Variants in AUTS2 observed in about 807,000 individuals in gnomAD.
AUTS2 encodes the protein autism susceptibility gene 2 protein.
In AUTS2, 17 loss-of-function variants were observed where a neutral mutation model predicts 112.4. That is an observed-to-expected ratio of 0.15 (90% CI 0.10 to 0.23). The LOEUF is 0.23. Among genes scored for constraint, AUTS2 ranks in the 10% least tolerant of loss-of-function variants. The pLI, the probability that AUTS2 is intolerant of heterozygous loss-of-function variation, is 1.00. For missense variants in AUTS2, 1,510 were observed against 1,701.6 expected, an observed-to-expected ratio of 0.89 and a Z score of 1.98; for synonymous variants, 751 against 702.7, an observed-to-expected ratio of 1.07 and a Z score of -1.09.
intron 2 of AUTS2, among the ~76,000 whole-genome samples, chr7:69,983,110 C>G (rs1180700575): frequency 4.6e-5 from 7 of 152,160 alleles, no homozygotes. Flanking sequence ...GTTGTCTTTT[C>G]TTTGTTAGGA....
chr7:70,694,554 T>TCGCCGC lies in AUTS2; in HGVS notation c.691-4004_691-3999dup, dbSNP rs1369412819. The TCGCCGC allele has an allele frequency of 2.0e-5, 3 of 147,394 alleles. No homozygotes were observed. The highest frequency in any genetic ancestry group is 4.5e-5 in the Non-Finnish European group (3 of 66,392). 9.1% of individuals were successfully genotyped at this position (147,394 alleles called of 1,614,324 possible). A position where few individuals can be genotyped will look rare whatever the true frequency, so the allele number is the denominator to read the frequency against. ...TCCGCACATGGTCTCCTTTGTCCTG[T>TCGCCGC]CGCCGCCGCCGCCGCCTCGCTCTTA... On this transcript the variant is annotated intron_variant, in intron 5 of 18. Coordinates refer to ENST00000342771, the MANE Select transcript of AUTS2 (RefSeq NM_015570.4). This position sits in a 1 kb window ranked among gnomAD's most constrained non-coding sequence, Gnocchi z 4.1.
chr7:70,667,297 C>G (rs1318872206), intron 5 of AUTS2, among the ~76,000 whole-genome samples: 1 of 152,148 alleles, frequency 6.6e-6, no homozygotes, highest in Non-Finnish European at 1.5e-5. Context: ...CAGATGTGAG[C>G]AAGAGGCTTT....
At chr7:70,573,044 C>T (rs529109708) in intron 5 of AUTS2, among the ~76,000 whole-genome samples, 4 of 152,256 alleles carry the variant, frequency 2.6e-5, no homozygotes, top group South Asian at 2.1e-4. Flanking sequence ...TTCGACTCTT[C>T]GGAGAGAACG....
intron 5 of AUTS2, among the ~76,000 whole-genome samples, chr7:70,686,815 G>A (rs1265953066): frequency 3.3e-5 from 5 of 152,212 alleles, no homozygotes; most frequent in Non-Finnish European, 4.4e-5. Context: ...CCACGCACAC[G>A]TGAGCCACTG....
intron 2 of AUTS2, among the ~76,000 whole-genome samples, chr7:69,952,247 T>C (rs1185164323): frequency 1.3e-5 from 2 of 152,166 alleles, no homozygotes; most frequent in East Asian, 1.9e-4. Flanking sequence ...CTTTTTGTCA[T>C]AAAGATGGAA....
intron 5 of AUTS2, among the ~76,000 whole-genome samples, chr7:70,637,072 A>G (rs749506747): frequency 5.9e-5 from 9 of 152,142 alleles, no homozygotes; most frequent in East Asian, 1.9e-4. Context: ...TTTATCCCCA[A>G]TTTTACACAA....
chr7:69,717,045 T>A (rs1480430686), intron 1 of AUTS2, among the ~76,000 whole-genome samples: 1 of 152,132 alleles, frequency 6.6e-6, no homozygotes, highest in Non-Finnish European at 1.5e-5. Flanking sequence ...TTATGGAAAA[T>A]TTATTACATA....
intron 2 of AUTS2, among the ~76,000 whole-genome samples, chr7:70,046,235 C>T (rs192710347): frequency 2.6e-5 from 4 of 152,126 alleles, no homozygotes; most frequent in Non-Finnish European, 4.4e-5. Context: ...AGAGCATGAA[C>T]TCTAGGTTGG....
intron 5 of AUTS2, among the ~76,000 whole-genome samples, chr7:70,547,543 G>A (rs1025717560): frequency 3.3e-5 from 5 of 152,094 alleles, no homozygotes; most frequent in Admixed American, 6.5e-5. Context: ...GTGAGCCACC[G>A]TGCCCGGCCG....
chr7:70,041,479 A>T lies in AUTS2; in HGVS notation c.523-76653A>T, dbSNP rs1801245169. ...GAACTGTGAAATTCACATGAATTCCAGTAGTTTCATTGATAGTAATTCACA... is the reference window on the plus strand; with the variant it reads ...GAACTGTGAAATTCACATGAATTCCTGTAGTTTCATTGATAGTAATTCACA... On this transcript the variant is annotated intron_variant, in intron 2 of 18. Coordinates refer to ENST00000342771, the MANE Select transcript of AUTS2 (RefSeq NM_015570.4). Among the ~76,000 whole-genome samples the T allele has an allele frequency of 1.3e-5, 2 of 152,202 alleles. 1 individual carries two copies. The highest frequency in any genetic ancestry group is 4.1e-4 in the South Asian group (2 of 4,834).
At chr7:70,211,082 G>A (rs1288976202) in intron 4 of AUTS2, among the ~76,000 whole-genome samples, 3 of 152,100 alleles carry the variant, frequency 2.0e-5, no homozygotes, top group South Asian at 2.1e-4. Context: ...GGAGAGTATC[G>A]TGTGTCTTAT....
intron 6 of AUTS2, among the ~76,000 whole-genome samples, chr7:70,737,938 CA>C (rs1295957524): frequency 3.7e-4 from 56 of 152,124 alleles, no homozygotes; most frequent in Non-Finnish European, 6.2e-4. Flanking sequence ...TTTTAATATA[CA>C]AATAATTAGA....
At chr7:69,977,551 T>C (rs1397262932) in intron 2 of AUTS2, among the ~76,000 whole-genome samples, 1 of 152,206 alleles carries the variant, frequency 6.6e-6, no homozygotes, top group Non-Finnish European at 1.5e-5. Context: ...ACAGTAGGTA[T>C]AACAATATTA....
intron 4 of AUTS2, among the ~76,000 whole-genome samples, chr7:70,385,160 C>G (rs1793553363): frequency 6.6e-6 from 1 of 152,208 alleles, no homozygotes; most frequent in Non-Finnish European, 1.5e-5. Flanking sequence ...CCTCACCGCA[C>G]ATAATCATCT....
At chr7:69,755,586 G>A (rs958952608) in intron 1 of AUTS2, among the ~76,000 whole-genome samples, 5 of 152,120 alleles carry the variant, frequency 3.3e-5, no homozygotes, top group Non-Finnish European at 7.3e-5. Flanking sequence ...AATACTTGAG[G>A]TGTCACAAAG....
intron 1 of AUTS2, among the ~76,000 whole-genome samples, chr7:69,712,991 A>T (rs1396933395): frequency 6.6e-6 from 1 of 152,156 alleles, no homozygotes; most frequent in Admixed American, 6.6e-5. Context: ...GCATCTTTTC[A>T]TGCTTTTGCT....
At chr7:70,433,040 AG>A (rs1425788599) in intron 4 of AUTS2, among the ~76,000 whole-genome samples, 1 of 152,190 alleles carries the variant, frequency 6.6e-6, no homozygotes, top group Non-Finnish European at 1.5e-5. Context: ...GGATACCAGT[AG>A]GTCTCAGTTC....
intron 5 of AUTS2, among the ~76,000 whole-genome samples, chr7:70,613,564 G>T (rs73706201): frequency 6.6e-6 from 1 of 152,128 alleles, no homozygotes; most frequent in Non-Finnish European, 1.5e-5. Flanking sequence ...GAGGGTTGCC[G>T]AGAGTGGATG....
intron 1 of AUTS2, among the ~76,000 whole-genome samples, chr7:69,613,758 A>G (rs191401540): frequency 1.8e-3 from 278 of 152,328 alleles, no homozygotes; most frequent in Non-Finnish European, 3.0e-3. Flanking sequence ...CTATTTCACA[A>G]TAAAAGAGAC....
Sources: allele counts gnomAD v4.1 joint callset (sites outside exome capture counted in the v4.1 genomes callset), GRCh38; gene constraint gnomAD v4.1.1; non-coding constraint Gnocchi (gnomAD v3.1); transcripts MANE v1.5; gene names NCBI Gene and HGNC (gene_info 2026-07-23, HGNC 2026-07-21).